The following DEF6 variants were observed in gnomAD, a reference collection of about 807,000 sequenced individuals.
DEF6 encodes the protein DEF6 guanine nucleotide exchange factor.
Under a neutral mutation model 80.5 loss-of-function variants are expected in DEF6, and 32 were observed. That is an observed-to-expected ratio of 0.40 (90% CI 0.30 to 0.53). The LOEUF is 0.53. Among genes scored for constraint, DEF6 ranks in the 20% least tolerant of loss-of-function variants. The pLI is 0.57. For synonymous variants in DEF6, 300 were observed against 337.9 expected, an observed-to-expected ratio of 0.89 and a Z score of 1.23; for missense variants, 575 against 818.7, an observed-to-expected ratio of 0.70 and a Z score of 3.63.
intron 2 of DEF6, among the ~76,000 whole-genome samples, chr6:35,310,136 C>G (rs1179857869): frequency 1.3e-5 from 2 of 152,196 alleles, no homozygotes; most frequent in Non-Finnish European, 2.9e-5. Flanking sequence ...AACTCCCCCT[C>G]CAACTCCTCC....
In DEF6 at chr6:35,307,072, C is replaced by G. The variant is rs926673284; in HGVS notation, c.97-2598C>G. Among the ~76,000 whole-genome samples the G allele has an allele frequency of 5.4e-4, 82 of 152,334 alleles. 1 individual carries two copies. The highest frequency in any genetic ancestry group is 1.9e-3 in the African/African-American group (78 of 41,574). On this transcript the variant is annotated intron_variant, in intron 1 of 10. Coordinates refer to ENST00000316637, the MANE Select transcript of DEF6 (RefSeq NM_022047.4). ...ATGCTTAATGAGCATTCTTGTATCTCTCCCATGAGTGTCTGTAGGTTGGAT... is the reference window on the plus strand; with the variant it reads ...ATGCTTAATGAGCATTCTTGTATCTGTCCCATGAGTGTCTGTAGGTTGGAT...
intron 1 of DEF6, among the ~76,000 whole-genome samples, chr6:35,298,284 AC>A (rs777562411): frequency 6.6e-6 from 1 of 152,098 alleles, no homozygotes; most frequent in Non-Finnish European, 1.5e-5. Context: ...GAGCACACAC[AC>A]CTCCACAGAG....
rs564760451 is a variant in DEF6 at position 35,302,273 on chromosome 6, C to T, written c.96+4321C>T. ...ACTCTGGAGGCTGAGGTGGAAGGAT[C>T]GCTTGAGCCCGAGAGGTCAAGGCTT... On this transcript the variant is annotated intron_variant, in intron 1 of 10. Coordinates refer to ENST00000316637, the MANE Select transcript of DEF6 (RefSeq NM_022047.4). 8.6e-4 allele frequency among the ~76,000 whole-genome samples: 131 copies of T among 152,134 alleles called. 1 individual carries two copies. Among genetic ancestry groups the T allele is most frequent in the Admixed American group, 3.8e-3 (58 of 15,284 alleles).
chr6:35,313,432 A>G (rs934260299), intron 5 of DEF6: 12 of 337,694 alleles, frequency 3.6e-5, no homozygotes, highest in African/African-American at 2.3e-4. Context: ...GTCATTAGGT[A>G]TCCTTTACCT....
At chr6:35,298,406 AG>A (rs904119706) in intron 1 of DEF6, among the ~76,000 whole-genome samples, 3 of 151,884 alleles carry the variant, frequency 2.0e-5, no homozygotes, top group African/African-American at 7.3e-5. Flanking sequence ...AGAGGCATAA[AG>A]GGGCCGCCCC....
intron 9 of DEF6, 45 bp from the exon 10 acceptor site, chr6:35,320,839 A>T (rs752103851): frequency 6.5e-7 from 1 of 1,542,086 alleles, no homozygotes; most frequent in Non-Finnish European, 8.9e-7. Flanking sequence ...ACTCCATGCC[A>T]TGGATGATGG....
rs190945053 is a variant in DEF6, at chr6:35,307,329, G to A, written c.97-2341G>A. Among the ~76,000 whole-genome samples the A allele has an allele frequency of 6.9e-3, 1,053 of 152,370 alleles. 10 individuals are homozygous for A. Among genetic ancestry groups the A allele is most frequent in the South Asian group, 0.025 (119 of 4,832 alleles). On this transcript the variant is annotated intron_variant, in intron 1 of 10. Coordinates refer to ENST00000316637, the MANE Select transcript of DEF6 (RefSeq NM_022047.4). Reference sequence around the variant, plus strand: ...CAGGAGAATCACGTGAACCTGGGAGGCGGAGGTTGCAGTGAGCCAACACCG... The same window carrying A: ...CAGGAGAATCACGTGAACCTGGGAGACGGAGGTTGCAGTGAGCCAACACCG...
At chr6:35,320,774 ATG>A (rs1791581394) in intron 9 of DEF6, 108 bp from the exon 10 acceptor site, 3 of 881,806 alleles carry the variant, frequency 3.4e-6, no homozygotes, top group Non-Finnish European at 5.3e-6. Flanking sequence ...CTCTGGGGAG[ATG>A]ATCAGTAGTC....
At position 35,319,855 on chromosome 6, in the gene DEF6, G is replaced by A. The variant is rs1791567928; in HGVS notation, c.1419G>A (p.Leu473=). The A allele has an allele frequency of 6.3e-7, 1 of 1,588,878 alleles. No individual in the cohort carries two copies. Among genetic ancestry groups the A allele is most frequent in the Non-Finnish European group, 8.6e-7 (1 of 1,167,570 alleles). The change falls in exon 9 of 11, where the codon TTG becomes TTA. Residue 473 remains leucine, a synonymous_variant. Coordinates refer to ENST00000316637, the MANE Select transcript of DEF6 (RefSeq NM_022047.4). This position sits in a 1 kb window ranked among gnomAD's most constrained non-coding sequence, Gnocchi z 4.5. ...LEEEEEKLKQ[L]MQLKEEQERY... is the part of the protein sequence containing the mutation. ...AGGAGGAAGAGAAGCTGAAGCAGTT[G>A]ATGCAGCTGAAGGAGGAGCAGGAGC...
Position 35,297,833 on chromosome 6 carries a change from C to T in DEF6, c.-24C>T, listed in dbSNP as rs754344056. ...ACCGGATCTTAGTGTCAGAGCCGCC[C>T]CCAGCCGGGCGGGCGCCTCAGCCAT... is the stretch of plus-strand genomic sequence containing the variant. On this transcript the variant is annotated 5_prime_UTR_variant, in exon 1 of 11. Transcript: ENST00000316637. 2.5e-6 allele frequency: 4 copies of T among 1,572,134 alleles called. No individual in the cohort carries two copies. Among genetic ancestry groups the T allele is most frequent in the Admixed American group, 1.9e-5 (1 of 53,428 alleles).
chr6:35,316,345 CA>C (rs1791525431), intron 5 of DEF6, among the ~76,000 whole-genome samples: 1 of 152,152 alleles, frequency 6.6e-6, no homozygotes, highest in African/African-American at 2.4e-5. Flanking sequence ...ATGCCATCTG[CA>C]AACAAGGCTA....
rs192969914 is a variant in DEF6 at position 35,299,697 on chromosome 6, G to A, written c.96+1745G>A. On this transcript the variant is annotated intron_variant, in intron 1 of 10. Coordinates refer to ENST00000316637, the MANE Select transcript of DEF6 (RefSeq NM_022047.4). ...GAACCTACTGCCAGCAACATCTCTG[G>A]TCACACAGGATCAATTATAGAGTTC... Among the ~76,000 whole-genome samples, 249 of 152,208 alleles carry A rather than the reference G, an allele frequency of 1.6e-3. 1 individual carries two copies. The highest frequency in any genetic ancestry group is 3.4e-3 in the Middle Eastern group (1 of 294).
rs1350227944 is a variant in DEF6, at chr6:35,318,484, C to G, written c.1215+13C>G. 4.3e-6 allele frequency: 6 copies of G among 1,385,074 alleles called. No homozygotes were observed. The highest frequency in any genetic ancestry group is 5.6e-6 in the Non-Finnish European group (6 of 1,078,308). 85.8% of individuals were successfully genotyped at this position (1,385,074 alleles called of 1,614,324 possible). On this transcript the variant is annotated intron_variant, in intron 7 of 10. Transcript: ENST00000316637. The surrounding 1 kb of genome is among the most constrained non-coding windows in gnomAD (Gnocchi z 5.1). ...CGAGGCGGAGCAGGTGGGGTTAGCT[C>G]CCGGCGCCGGGGACGGGACCGGTGG...
chr6:35,318,228 C>T lies in DEF6; in HGVS notation c.972C>T (p.Asp324=). ...QAEGKTSLHK[D]LKQKRREQRE... Reference sequence around the variant, plus strand: ...AGGGGAAGACGTCCCTACACAAGGACCTGAAGCAGAAACGGCGCGAGCAGC... The same window carrying T: ...AGGGGAAGACGTCCCTACACAAGGATCTGAAGCAGAAACGGCGCGAGCAGC... The change falls in exon 7 of 11, where the codon GAC becomes GAT. Residue 324 remains aspartate, a synonymous_variant. Coordinates refer to ENST00000316637, the MANE Select transcript of DEF6 (RefSeq NM_022047.4). The surrounding 1 kb of genome is among the most constrained non-coding windows in gnomAD (Gnocchi z 5.1). 6.3e-7 allele frequency: 1 copy of T among 1,599,476 alleles called. No individual in the cohort carries two copies. Among genetic ancestry groups the T allele is most frequent in the South Asian group, 1.1e-5 (1 of 90,022 alleles).
rs6937088 is a variant in DEF6, at chr6:35,317,766, G to C, written c.808-125G>C. The C allele has an allele frequency of 0.83, 591,677 of 715,390 alleles. 248,153 individuals are homozygous for C. Among genetic ancestry groups the C allele is most frequent in the East Asian group, 0.98 (33,943 of 34,800 alleles). 44.3% of individuals were successfully genotyped at this position (715,390 alleles called of 1,614,324 possible). A position where few individuals can be genotyped will look rare whatever the true frequency, so the allele number is the denominator to read the frequency against. ...TATGATGCAAGCCATGCAGGCTCCT[G>C]GCAGAGTGGGGTCCCCAGGGAAGAT... On this transcript the variant is annotated intron_variant, in intron 5 of 10. Transcript: ENST00000316637.
At chr6:35,304,371 C>A (rs1791364722) in intron 1 of DEF6, among the ~76,000 whole-genome samples, 1 of 152,076 alleles carries the variant, frequency 6.6e-6, no homozygotes, top group African/African-American at 2.4e-5. Context: ...AATATATATT[C>A]CCTGAGAAGG....
At chr6:35,308,384 A>C (rs908111246) in intron 1 of DEF6, among the ~76,000 whole-genome samples, 2 of 151,740 alleles carry the variant, frequency 1.3e-5, no homozygotes, top group Admixed American at 1.3e-4. Flanking sequence ...AAAAAAAAAA[A>C]AGTTTTGGCC....
At chr6:35,300,998 T>C (rs1472261844) in intron 1 of DEF6, among the ~76,000 whole-genome samples, 1 of 151,916 alleles carries the variant, frequency 6.6e-6, no homozygotes, top group Non-Finnish European at 1.5e-5. Context: ...GATCTTTGGG[T>C]GGCACCAGGC....
intron 1 of DEF6, among the ~76,000 whole-genome samples, chr6:35,305,415 G>T (rs2150385557): frequency 6.6e-6 from 1 of 152,172 alleles, no homozygotes; most frequent in South Asian, 2.1e-4. Context: ...GCTTGAGCCT[G>T]GGAGGCGGAA....
Sources: allele counts gnomAD v4.1 joint callset (sites outside exome capture counted in the v4.1 genomes callset), GRCh38; gene constraint gnomAD v4.1.1; non-coding constraint Gnocchi (gnomAD v3.1); transcripts MANE v1.5; gene names NCBI Gene and HGNC (gene_info 2026-07-23, HGNC 2026-07-21).